STARD13: variants seen among roughly 807,000 people sequenced by gnomAD.
STARD13 encodes the protein StAR related lipid transfer domain containing 13, also known as stAR-related lipid transfer protein 13.
Under a neutral mutation model 106.4 loss-of-function variants are expected in STARD13, and 62 were observed. That is an observed-to-expected ratio of 0.58 (90% CI 0.48 to 0.72). STARD13 has a LOEUF of 0.72. Among genes scored for constraint, STARD13 ranks in the 30% least tolerant of loss-of-function variants. The pLI is 0.00. For missense variants in STARD13, 1,387 were observed against 1,424.0 expected, an observed-to-expected ratio of 0.97 and a Z score of 0.42; for synonymous variants, 565 against 553.0, an observed-to-expected ratio of 1.02 and a Z score of -0.31.
chr13:33,512,391 G>GT, the STARD13 span, among the ~76,000 whole-genome samples: 1 of 152,142 alleles, frequency 6.6e-6, no homozygotes, highest in Non-Finnish European at 1.5e-5. Context: ...AAGCTTTCAA[G>GT]ATTAAGAGTC....
the STARD13 span, among the ~76,000 whole-genome samples, chr13:33,524,725 A>G: frequency 6.6e-6 from 1 of 152,058 alleles, no homozygotes; most frequent in Non-Finnish European, 1.5e-5. Flanking sequence ...TTATTTTTTA[A>G]TTGACAAATT....
chr13:33,586,165 A>G, the STARD13 span, among the ~76,000 whole-genome samples: 1 of 152,250 alleles, frequency 6.6e-6, no homozygotes, highest in Admixed American at 6.5e-5. Context: ...AAAGATTCAC[A>G]TATCAATGCT....
chr13:33,584,022 A>G, the STARD13 span, among the ~76,000 whole-genome samples: 94 of 152,246 alleles, frequency 6.2e-4, no homozygotes, highest in African/African-American at 2.2e-3. Context: ...TCTATCTGTA[A>G]TTTTTTGAGG....
intron 1 of STARD13, among the ~76,000 whole-genome samples, chr13:33,274,894 C>A (rs1296242682): frequency 6.6e-6 from 1 of 152,156 alleles, no homozygotes; most frequent in African/African-American, 2.4e-5. Context: ...TTACCCCCAC[C>A]AAGAACCTCC....
At chr13:33,184,627 A>T (rs1207426870) in intron 1 of STARD13, among the ~76,000 whole-genome samples, 2 of 152,224 alleles carry the variant, frequency 1.3e-5, no homozygotes, top group Non-Finnish European at 2.9e-5. Context: ...TGTGCACAAC[A>T]TTATATATAC....
chr13:33,412,077 C>T, the STARD13 span, among the ~76,000 whole-genome samples: 12 of 152,198 alleles, frequency 7.9e-5, no homozygotes, highest in Non-Finnish European at 7.3e-5. Flanking sequence ...GTGTCTTCCA[C>T]ATTCTGTTGA....
At chr13:33,561,487 C>G in the STARD13 span, among the ~76,000 whole-genome samples, 2 of 151,452 alleles carry the variant, frequency 1.3e-5, no homozygotes, top group Non-Finnish European at 2.9e-5. Context: ...TTCATTTCCT[C>G]TATTGCATTT....
At chr13:33,439,709 TG>T in the STARD13 span, 1 of 1,268,168 alleles carries the variant, frequency 7.9e-7, no homozygotes, top group Non-Finnish European at 1.0e-6. Flanking sequence ...TCTTTGGGTC[TG>T]TTATCAGAGA....
intron 1 of STARD13, among the ~76,000 whole-genome samples, chr13:33,338,775 T>C (rs1036795999): frequency 6.6e-6 from 1 of 151,202 alleles, no homozygotes; most frequent in African/African-American, 2.4e-5. Flanking sequence ...TCCCAGCTAC[T>C]CAGGGATGCT....
At chr13:33,520,391 T>C in the STARD13 span, among the ~76,000 whole-genome samples, 2 of 152,202 alleles carry the variant, frequency 1.3e-5, no homozygotes, top group East Asian at 3.9e-4. Flanking sequence ...CATGGCTTAG[T>C]AGGTATTAGT....
the STARD13 span, among the ~76,000 whole-genome samples, chr13:33,667,683 A>G: frequency 6.6e-6 from 1 of 152,254 alleles, no homozygotes; most frequent in Non-Finnish European, 1.5e-5. Context: ...TGTAAAATGC[A>G]TCTCAATTTC....
chr13:33,197,126 A>G (rs1886679612), intron 1 of STARD13, among the ~76,000 whole-genome samples: 2 of 152,306 alleles, frequency 1.3e-5, no homozygotes, highest in Admixed American at 1.3e-4. Flanking sequence ...CCTTTTTCAC[A>G]CATGGCACAC....
At chr13:33,358,654 C>T in the STARD13 span, among the ~76,000 whole-genome samples, 3 of 152,060 alleles carry the variant, frequency 2.0e-5, no homozygotes, top group Non-Finnish European at 4.4e-5. Flanking sequence ...CACTCTGAAT[C>T]TAGCTCAAGG....
the STARD13 span, among the ~76,000 whole-genome samples, chr13:33,535,035 G>A: frequency 6.6e-6 from 1 of 152,208 alleles, no homozygotes; most frequent in Non-Finnish European, 1.5e-5. Flanking sequence ...GGCCAACATG[G>A]TGAAACTCAT....
chr13:33,588,487 A>G, the STARD13 span, among the ~76,000 whole-genome samples: 2 of 152,208 alleles, frequency 1.3e-5, no homozygotes. Flanking sequence ...TACTGTAAAA[A>G]AGCCATCATC....
At chr13:33,547,028 A>C in the STARD13 span, among the ~76,000 whole-genome samples, 1 of 152,246 alleles carries the variant, frequency 6.6e-6, no homozygotes, top group African/African-American at 2.4e-5. Context: ...GCCAATTATA[A>C]TACTTTAGAA....
the STARD13 span, among the ~76,000 whole-genome samples, chr13:33,503,766 T>C: frequency 6.6e-6 from 1 of 152,192 alleles, no homozygotes; most frequent in Non-Finnish European, 1.5e-5. Flanking sequence ...ATAATTTCTG[T>C]TCTTTTATAT....
At chr13:33,327,817 G>T (rs2077793767) in intron 1 of STARD13, among the ~76,000 whole-genome samples, 1 of 152,192 alleles carries the variant, frequency 6.6e-6, no homozygotes, top group African/African-American at 2.4e-5. Flanking sequence ...CTTTAAAATA[G>T]TTAAGTTTTT....
intron 1 of STARD13, among the ~76,000 whole-genome samples, chr13:33,168,575 A>G (rs1206363627): frequency 1.3e-5 from 2 of 152,222 alleles, no homozygotes; most frequent in African/African-American, 4.8e-5. Context: ...TAAACAGCCT[A>G]TTATCACAAG....
Sources: gnomAD v4.1 joint callset for allele counts (sites outside exome capture counted in the v4.1 genomes callset) on GRCh38, gnomAD v4.1.1 for gene constraint, MANE v1.5 for transcripts, NCBI Gene and HGNC (gene_info 2026-07-23, HGNC 2026-07-21) for gene names.